Variants in MKLN1 observed in about 807,000 individuals in gnomAD.
MKLN1 encodes the protein muskelin 1, also known as muskelin.
MKLN1 carries 18 observed loss-of-function variants against 99.0 expected under a neutral mutation model. That is an observed-to-expected ratio of 0.18 (90% CI 0.13 to 0.27). The LOEUF is 0.27. Ranked by LOEUF, MKLN1 falls within the 10% of genes least tolerant of loss-of-function variation. MKLN1 has a pLI of 1.00. For synonymous variants in MKLN1, 288 were observed against 293.2 expected (o/e 0.98, Z 0.18); for missense variants, 621 against 875.9 (o/e 0.71, Z 3.67).
At chr7:131,234,357 T>A (rs1296306627) in intron 3 of MKLN1, among the ~76,000 whole-genome samples, 1 of 152,196 alleles carries the variant, frequency 6.6e-6, no homozygotes, top group Non-Finnish European at 1.5e-5. Context: ...GTTGTAACTT[T>A]TTCTCAAGCA....
chr7:131,386,974 T>G (rs1436238690), intron 2 of MKLN1, 146 bp from the exon 3 acceptor site: 20 of 615,674 alleles, frequency 3.2e-5, no homozygotes, highest in Non-Finnish European at 4.9e-5. Context: ...TGTTATGTAC[T>G]ATTCTATAGC....
intron 8 of MKLN1, among the ~76,000 whole-genome samples, chr7:131,418,351 A>C (rs1795085527): frequency 6.7e-6 from 1 of 150,298 alleles, no homozygotes; most frequent in African/African-American, 2.5e-5. Flanking sequence ...CCTGGGAGAC[A>C]AGAGCAAGAC....
intron 1 of MKLN1, among the ~76,000 whole-genome samples, chr7:131,120,548 C>CAAAAAAAAAAAAAA (rs55945614): frequency 2.0e-5 from 2 of 98,116 alleles, no homozygotes; most frequent in African/African-American, 3.9e-5. Context: ...GACTCCCTCT[C>CAAAAAAAAAAAAAA]AAAAAAAAAA....
intron 3 of MKLN1, among the ~76,000 whole-genome samples, chr7:131,388,142 G>C (rs1340494789): frequency 6.6e-6 from 1 of 152,102 alleles, no homozygotes; most frequent in East Asian, 1.9e-4. Flanking sequence ...ACTCCAGCTG[G>C]GGTGAAACAG....
intron 3 of MKLN1, among the ~76,000 whole-genome samples, chr7:131,319,720 T>C (rs1798738109): frequency 6.6e-6 from 1 of 152,200 alleles, no homozygotes; most frequent in Non-Finnish European, 1.5e-5. Flanking sequence ...CAAAATCTCC[T>C]TAAGCTGACA....
intron 1 of MKLN1, among the ~76,000 whole-genome samples, chr7:131,369,153 T>G (rs527259328): frequency 6.6e-6 from 1 of 152,312 alleles, no homozygotes; most frequent in African/African-American, 2.4e-5. Flanking sequence ...GTTCTATAAT[T>G]TATTTGATCA....
At chr7:131,215,093 C>A (rs1040195537) in intron 3 of MKLN1, among the ~76,000 whole-genome samples, 18 of 152,222 alleles carry the variant, frequency 1.2e-4, no homozygotes, top group East Asian at 5.8e-4. Context: ...GTTGTCCCAG[C>A]TGGAGTGCAG....
At chr7:131,190,640 G>A (rs568906622) in intron 2 of MKLN1, among the ~76,000 whole-genome samples, 1 of 152,152 alleles carries the variant, frequency 6.6e-6, no homozygotes, top group South Asian at 2.1e-4. Flanking sequence ...GGAATAAGGA[G>A]AACAAAATGA....
intron 17 of MKLN1, among the ~76,000 whole-genome samples, chr7:131,485,138 G>A (rs898977873): frequency 5.3e-5 from 8 of 151,998 alleles, no homozygotes; most frequent in Admixed American, 2.0e-4. Context: ...ATACCAGAAA[G>A]TAAGGAAGTA....
At chr7:131,141,274 G>A (rs539795751) in intron 1 of MKLN1, among the ~76,000 whole-genome samples, 6 of 152,210 alleles carry the variant, frequency 3.9e-5, no homozygotes, top group African/African-American at 1.2e-4. Context: ...ATGTTCCCCA[G>A]TCATCACAAA....
chr7:131,186,282 T>C (rs545221820), intron 2 of MKLN1, among the ~76,000 whole-genome samples: 44 of 152,260 alleles, frequency 2.9e-4, no homozygotes, highest in African/African-American at 1.0e-3. Flanking sequence ...AGTGGGAAGA[T>C]TGCTTGAGGC....
At chr7:131,284,164 A>G (rs188499207) in intron 3 of MKLN1, among the ~76,000 whole-genome samples, 1 of 152,328 alleles carries the variant, frequency 6.6e-6, no homozygotes, top group Admixed American at 6.5e-5. Flanking sequence ...GCTAGGGAAT[A>G]GGATATGCGC....
chr7:131,376,589 C>T (rs1016395789), intron 2 of MKLN1, among the ~76,000 whole-genome samples: 39 of 149,872 alleles, frequency 2.6e-4, no homozygotes, highest in African/African-American at 9.1e-4. Context: ...TTTCAGTGAG[C>T]CAAAATTGCA....
intron 1 of MKLN1, among the ~76,000 whole-genome samples, chr7:131,135,417 G>A (rs1207606712): frequency 6.6e-6 from 1 of 152,238 alleles, no homozygotes; most frequent in African/African-American, 2.4e-5. Context: ...ACTGCGTCTG[G>A]CCTCTCTTCC....
chr7:131,479,854 AT>A (rs1797070168), intron 17 of MKLN1, among the ~76,000 whole-genome samples: 4 of 3,120 alleles, frequency 1.3e-3, no homozygotes, highest in Non-Finnish European at 2.2e-3. Flanking sequence ...ATAAATTTAA[AT>A]AAATAAATAA....
chr7:131,359,891 G>A (rs1351786061), intron 1 of MKLN1, among the ~76,000 whole-genome samples: 3 of 151,728 alleles, frequency 2.0e-5, no homozygotes, highest in South Asian at 2.1e-4. Context: ...GCACCACCAC[G>A]CCTAGCTAAT....
At chr7:131,321,820 T>C (rs910275516) in intron 3 of MKLN1, among the ~76,000 whole-genome samples, 1 of 152,096 alleles carries the variant, frequency 6.6e-6, no homozygotes, top group African/African-American at 2.4e-5. Context: ...TCAAGAATCA[T>C]CCCAAAGACA....
intron 12 of MKLN1, among the ~76,000 whole-genome samples, chr7:131,456,107 C>T (rs1445750804): frequency 6.6e-6 from 1 of 151,638 alleles, no homozygotes; most frequent in Non-Finnish European, 1.5e-5. Context: ...TTGTTTTCAT[C>T]TTGCAAAGAA....
chr7:131,443,121 G>C (rs972969544), intron 10 of MKLN1, among the ~76,000 whole-genome samples: 15 of 152,238 alleles, frequency 9.9e-5, no homozygotes, highest in African/African-American at 3.4e-4. Flanking sequence ...TGCTTGCCTA[G>C]AATGAAAGAA....
Sources: allele counts gnomAD v4.1 joint callset (sites outside exome capture counted in the v4.1 genomes callset), GRCh38; gene constraint gnomAD v4.1.1; transcripts MANE v1.5; gene names NCBI Gene and HGNC (gene_info 2026-07-23, HGNC 2026-07-21).